DLGAP2: variants seen among roughly 807,000 people sequenced by gnomAD.
DLGAP2 encodes the protein DLG associated protein 2.
DLGAP2 carries 26 observed loss-of-function variants against 100.3 expected under a neutral mutation model. The observed-to-expected ratio is 0.26, with a 90% CI of 0.19 to 0.36. The LOEUF is 0.36. DLGAP2 is among the 10% of genes least tolerant of loss of function. The pLI, the probability that DLGAP2 is intolerant of heterozygous loss-of-function variation, is 1.00. For missense variants in DLGAP2, 1,858 were observed against 1,453.2 expected (o/e 1.28, Z -4.53); for synonymous variants, 886 against 630.1 (o/e 1.41, Z -6.08).
chr8:945,486 A>T (rs1262623390), intron 2 of DLGAP2, among the ~76,000 whole-genome samples: 1 of 152,148 alleles, frequency 6.6e-6, no homozygotes, highest in Non-Finnish European at 1.5e-5. Context: ...GAAATACTAA[A>T]CTCACGAAGA....
chr8:1,032,423 A>G (rs1209221373), intron 2 of DLGAP2, among the ~76,000 whole-genome samples: 4 of 152,220 alleles, frequency 2.6e-5, no homozygotes, highest in Non-Finnish European at 4.4e-5. Flanking sequence ...CCAGCGCACG[A>G]TGGAGAAACG....
chr8:1,491,306 A>G (rs796406812), intron 3 of DLGAP2, among the ~76,000 whole-genome samples: 20 of 108,250 alleles, frequency 1.8e-4, no homozygotes, highest in African/African-American at 6.4e-4. Context: ...CAAGAGAAAC[A>G]GTAAGGCTGC....
At chr8:958,267 G>A (rs572988205) in intron 2 of DLGAP2, among the ~76,000 whole-genome samples, 36 of 152,184 alleles carry the variant, frequency 2.4e-4, no homozygotes, top group Middle Eastern at 3.4e-3. Flanking sequence ...CCCCCCCACC[G>A]CCGCCATGTT....
chr8:1,189,399 C>G (rs762701908), intron 2 of DLGAP2, among the ~76,000 whole-genome samples: 1 of 152,210 alleles, frequency 6.6e-6, no homozygotes, highest in Non-Finnish European at 1.5e-5. Flanking sequence ...ACTGAACCAT[C>G]TGGAGTGCAG....
At chr8:1,438,123 G>C (rs1797704833) in intron 3 of DLGAP2, among the ~76,000 whole-genome samples, 1 of 152,216 alleles carries the variant, frequency 6.6e-6, no homozygotes, top group African/African-American at 2.4e-5. Context: ...CAGTACTCCT[G>C]TCTCAGGAAG....
At chr8:1,460,036 G>C (rs1017821688) in intron 3 of DLGAP2, among the ~76,000 whole-genome samples, 2 of 152,206 alleles carry the variant, frequency 1.3e-5, no homozygotes, top group African/African-American at 4.8e-5. Context: ...TTCTGGAATT[G>C]ACAGAGGGAC....
At chr8:858,287 C>T (rs761343054) in intron 1 of DLGAP2, among the ~76,000 whole-genome samples, 2 of 152,250 alleles carry the variant, frequency 1.3e-5, no homozygotes, top group Non-Finnish European at 2.9e-5. Flanking sequence ...GGACGTGGAG[C>T]AACCGTAAAT....
intron 2 of DLGAP2, among the ~76,000 whole-genome samples, chr8:1,110,919 G>C (rs1047519632): frequency 2.5e-4 from 38 of 152,018 alleles, no homozygotes; most frequent in African/African-American, 9.2e-4. Context: ...TGCTTTTGGG[G>C]GTTTGGGGTC....
chr8:971,712 C>G (rs147876990), intron 2 of DLGAP2, among the ~76,000 whole-genome samples: 12 of 152,182 alleles, frequency 7.9e-5, no homozygotes, highest in African/African-American at 2.2e-4. Context: ...ATGGAGTACT[C>G]TCAGAGGATT....
chr8:1,456,575 G>A (rs957259583), intron 3 of DLGAP2, among the ~76,000 whole-genome samples: 2 of 152,162 alleles, frequency 1.3e-5, no homozygotes, highest in Non-Finnish European at 2.9e-5. Flanking sequence ...ATTATCAGAA[G>A]CATCACCTTT....
At chr8:849,228 G>A (rs1051163018) in intron 1 of DLGAP2, among the ~76,000 whole-genome samples, 1 of 152,192 alleles carries the variant, frequency 6.6e-6, no homozygotes, top group Non-Finnish European at 1.5e-5. Flanking sequence ...CGTGGTGTGT[G>A]TTCCAGCATA....
At chr8:1,652,587 C>T (rs560504641) in intron 8 of DLGAP2, among the ~76,000 whole-genome samples, 1 of 152,240 alleles carries the variant, frequency 6.6e-6, no homozygotes, top group Admixed American at 6.5e-5. Flanking sequence ...GAATAAAACC[C>T]TCTGTCAGGT....
chr8:1,374,876 G>A (rs931239699), intron 3 of DLGAP2, among the ~76,000 whole-genome samples: 11 of 152,234 alleles, frequency 7.2e-5, no homozygotes, highest in Middle Eastern at 3.4e-3. Context: ...CTGGCACTTC[G>A]TCTTCCGTGA....
intron 6 of DLGAP2, among the ~76,000 whole-genome samples, chr8:1,601,108 T>C (rs1796609735): frequency 6.6e-6 from 1 of 152,224 alleles, no homozygotes; most frequent in South Asian, 2.1e-4. Context: ...GTTTGATAGT[T>C]TTCTTTCTAA....
intron 6 of DLGAP2, among the ~76,000 whole-genome samples, chr8:1,571,804 G>GA (rs1456776976): frequency 1.4e-5 from 2 of 138,672 alleles, no homozygotes; most frequent in Non-Finnish European, 1.5e-5. Flanking sequence ...GAACTATGGG[G>GA]CGTCTGATGA....
intron 1 of DLGAP2, among the ~76,000 whole-genome samples, chr8:894,181 G>C (rs1236170559): frequency 6.6e-6 from 1 of 152,196 alleles, no homozygotes; most frequent in Non-Finnish European, 1.5e-5. Flanking sequence ...CCTTGGGTGG[G>C]AGACGCCCCC....
At chr8:1,475,456 G>A (rs1202959372) in intron 3 of DLGAP2, among the ~76,000 whole-genome samples, 1 of 152,154 alleles carries the variant, frequency 6.6e-6, no homozygotes, top group African/African-American at 2.4e-5. Context: ...ATAATGGTGA[G>A]CAGGCATCAA....
chr8:1,538,895 T>A (rs1801252306), intron 4 of DLGAP2, among the ~76,000 whole-genome samples: 1 of 150,900 alleles, frequency 6.6e-6, no homozygotes, highest in Admixed American at 6.6e-5. Context: ...CTTTTTTTTT[T>A]TTTTTTTTTT....
In DLGAP2 at chr8:948,388, C is replaced by T. The variant is rs144265742; in HGVS notation, c.73+40422C>T. 2.5e-4 allele frequency among the ~76,000 whole-genome samples: 38 copies of T among 152,318 alleles called. 1 individual carries two copies. The highest frequency in any genetic ancestry group is 7.5e-4 in the African/African-American group (31 of 41,582). Reference sequence around the variant, plus strand: ...AGTAAGACGTGAGCTCGGCCAGCCCCGGGTGCAGGAGGAGTGGGCGAAGCG... The same window carrying T: ...AGTAAGACGTGAGCTCGGCCAGCCCTGGGTGCAGGAGGAGTGGGCGAAGCG... On this transcript the variant is annotated intron_variant, in intron 2 of 14. Transcript: ENST00000637795.
Sources: allele counts gnomAD v4.1 joint callset (sites outside exome capture counted in the v4.1 genomes callset), GRCh38; gene constraint gnomAD v4.1.1; transcripts MANE v1.5; gene names NCBI Gene and HGNC (gene_info 2026-07-23, HGNC 2026-07-21).